The following NDST3 variants were observed in gnomAD, a reference collection of about 807,000 sequenced individuals.
NDST3 encodes the protein bifunctional heparan sulfate N-deacetylase/N-sulfotransferase 3.
NDST3 carries 58 observed loss-of-function variants against 96.1 expected under a neutral mutation model. That is an observed-to-expected ratio of 0.60 (90% confidence interval 0.49 to 0.75). The LOEUF (loss-of-function observed/expected upper bound fraction) is 0.75, where lower values mean the gene tolerates loss of function less well. NDST3 is among the 30% of genes least tolerant of loss of function. The pLI, the probability that NDST3 is intolerant of heterozygous loss-of-function variation, is 0.00. For missense variants in NDST3, 788 were observed against 1,034.2 expected (o/e 0.76, Z 3.27); for synonymous variants, 333 against 359.7 (o/e 0.93, Z 0.84).
intron 4 of NDST3, among the ~76,000 whole-genome samples, chr4:118,118,709 TA>T (rs2125870698): frequency 6.6e-6 from 1 of 152,294 alleles, no homozygotes; most frequent in South Asian, 2.1e-4. Flanking sequence ...AAATATAGGA[TA>T]ATTCAGGGGT....
At chr4:118,120,232 T>C (rs1182105471) in intron 4 of NDST3, among the ~76,000 whole-genome samples, 2 of 152,090 alleles carry the variant, frequency 1.3e-5, no homozygotes, top group East Asian at 1.9e-4. Context: ...ATGACTGCCA[T>C]TGAAAAGATC....
At chr4:118,033,665 T>G (rs1353946347), upstream of NDST3, 1 of 151,754 alleles carries the variant, frequency 6.6e-6, no homozygotes, top group Non-Finnish European at 1.5e-5. Context: ...GCCGTGGTTC[T>G]CCAGCGCAGG....
chr4:118,189,990 T>C (rs1737200721), intron 6 of NDST3, among the ~76,000 whole-genome samples: 1 of 152,086 alleles, frequency 6.6e-6, no homozygotes, highest in Non-Finnish European at 1.5e-5. Context: ...TTTTAGTCCT[T>C]CAATTTGAAA....
chr4:118,137,993 C>T, intron 4 of NDST3, 61 bp from the exon 5 acceptor site: 1 of 1,352,150 alleles, frequency 7.4e-7, no homozygotes, highest in Non-Finnish European at 1.0e-6. Flanking sequence ...GAAAATCTTA[C>T]TGTAAAAATA....
chr4:118,206,463 A>G (rs1028051988), intron 6 of NDST3, among the ~76,000 whole-genome samples: 1 of 144,678 alleles, frequency 6.9e-6, no homozygotes, highest in African/African-American at 2.6e-5. Flanking sequence ...CCTAAAGCAC[A>G]GCATAGAACA....
chr4:118,201,525 T>C (rs781085196), intron 6 of NDST3, among the ~76,000 whole-genome samples: 4 of 152,250 alleles, frequency 2.6e-5, no homozygotes, highest in Non-Finnish European at 5.9e-5. Context: ...TTTGCATTTC[T>C]CTGATGATTA....
At chr4:118,248,993 C>T (rs1003811299) in intron 12 of NDST3, among the ~76,000 whole-genome samples, 1 of 152,164 alleles carries the variant, frequency 6.6e-6, no homozygotes, top group Non-Finnish European at 1.5e-5. Context: ...TATACCATTG[C>T]CTATGAGGGT....
chr4:118,240,249 T>TAAGG (rs1740920491), intron 10 of NDST3, among the ~76,000 whole-genome samples: 2 of 151,824 alleles, frequency 1.3e-5, no homozygotes, highest in African/African-American at 4.9e-5. Flanking sequence ...ATACATACAC[T>TAAGG]AAGGAAACAA....
intron 6 of NDST3, among the ~76,000 whole-genome samples, chr4:118,197,152 A>G (rs1397548241): frequency 2.0e-5 from 3 of 151,756 alleles, no homozygotes; most frequent in African/African-American, 7.3e-5. Flanking sequence ...ATAGTTTTCA[A>G]AATTCCTCTT....
At chr4:118,064,110 C>T (rs1292438148) in intron 2 of NDST3, among the ~76,000 whole-genome samples, 2 of 152,122 alleles carry the variant, frequency 1.3e-5, no homozygotes, top group Admixed American at 6.6e-5. Flanking sequence ...GGCATAGTGA[C>T]AGCATAGTGA....
chr4:118,129,068 C>A (rs1365644225), intron 4 of NDST3, among the ~76,000 whole-genome samples: 2 of 151,474 alleles, frequency 1.3e-5, no homozygotes, highest in Admixed American at 6.6e-5. Flanking sequence ...TTATTTGGGT[C>A]CTCATCCTTT....
At chr4:118,148,642 C>T (rs141022487) in intron 6 of NDST3, among the ~76,000 whole-genome samples, 1 of 152,088 alleles carries the variant, frequency 6.6e-6, no homozygotes, top group African/African-American at 2.4e-5. Context: ...ACAGAATTCA[C>T]TCAAGAAGAA....
chr4:118,151,738 AG>A (rs1734413464), intron 6 of NDST3, among the ~76,000 whole-genome samples: 1 of 152,222 alleles, frequency 6.6e-6, no homozygotes, highest in Non-Finnish European at 1.5e-5. Flanking sequence ...TTTAAAAAAC[AG>A]TAAGAATTAA....
chr4:118,208,934 C>T (rs962560923), intron 6 of NDST3, among the ~76,000 whole-genome samples: 1 of 133,386 alleles, frequency 7.5e-6, no homozygotes. Context: ...CCCTCTCCCC[C>T]CAGAGTGAAT....
chr4:118,160,552 T>A (rs1348336189), intron 6 of NDST3, among the ~76,000 whole-genome samples: 1 of 152,006 alleles, frequency 6.6e-6, no homozygotes, highest in African/African-American at 2.4e-5. Flanking sequence ...ATGTGGCCAA[T>A]AAGCATATTA....
intron 5 of NDST3, 126 bp downstream of exon 5, chr4:118,138,365 A>G: frequency 1.4e-6 from 1 of 729,832 alleles, no homozygotes; most frequent in Non-Finnish European, 2.1e-6. Context: ...CAGGAAGCAT[A>G]TTTGTCATAT....
intron 2 of NDST3, among the ~76,000 whole-genome samples, chr4:118,089,797 G>A (rs1349305822): frequency 2.6e-5 from 4 of 151,942 alleles, no homozygotes; most frequent in Non-Finnish European, 5.9e-5. Flanking sequence ...AGGGCTTTAT[G>A]TAAGGAGGAA....
At chr4:118,129,806 G>A (rs995326120) in intron 4 of NDST3, among the ~76,000 whole-genome samples, 9 of 151,960 alleles carry the variant, frequency 5.9e-5, no homozygotes, top group African/African-American at 1.9e-4. Flanking sequence ...AGCTATTATT[G>A]TACTGGGGTC....
intron 1 of NDST3, among the ~76,000 whole-genome samples, chr4:118,049,140 G>A (rs7683496): frequency 0.64 from 97,565 of 151,900 alleles, 34,567 homozygotes; most frequent in South Asian, 0.82. Flanking sequence ...GAACATCAAA[G>A]TTAAGGCAGA....
Sources: gnomAD v4.1 joint callset for allele counts (sites outside exome capture counted in the v4.1 genomes callset) on GRCh38, gnomAD v4.1.1 for gene constraint, MANE v1.5 for transcripts, NCBI Gene and HGNC (gene_info 2026-07-23, HGNC 2026-07-21) for gene names.